RXFP1: variants seen among roughly 807,000 people sequenced by gnomAD.
RXFP1 encodes the protein relaxin family peptide receptor 1.
RXFP1 carries 73 observed loss-of-function variants against 89.8 expected under a neutral mutation model. The ratio of observed to expected loss-of-function variants is 0.81; its 90% CI spans 0.67 to 0.99. The LOEUF (loss-of-function observed/expected upper bound fraction) is 0.99. RXFP1 is among the 50% of genes least tolerant of loss of function. The pLI is 0.00. For synonymous variants in RXFP1, 277 were observed against 305.5 expected, an observed-to-expected ratio of 0.91 and a Z score of 0.97; for missense variants, 793 against 895.5, an observed-to-expected ratio of 0.89 and a Z score of 1.46.
intron 1 of RXFP1, among the ~76,000 whole-genome samples, chr4:158,561,738 G>A (rs183698537): frequency 1.6e-3 from 223 of 141,908 alleles, no homozygotes; most frequent in Non-Finnish European, 2.7e-3. Flanking sequence ...AGTGATTCTT[G>A]TGCATCAGTC....
intron 11 of RXFP1, among the ~76,000 whole-genome samples, chr4:158,633,094 C>T (rs1315896381): frequency 1.3e-5 from 2 of 151,910 alleles, no homozygotes; most frequent in African/African-American, 4.8e-5. Flanking sequence ...CACTTGAACC[C>T]GGGAGACAGA....
chr4:158,593,572 T>C, intron 3 of RXFP1, 73 bp downstream of exon 3: 1 of 775,828 alleles, frequency 1.3e-6, no homozygotes. Context: ...TGATTCAACA[T>C]TTTAAAAAAA....
At chr4:158,635,541 G>T (rs1249741793) in intron 12 of RXFP1, among the ~76,000 whole-genome samples, 1 of 151,874 alleles carries the variant, frequency 6.6e-6, no homozygotes, top group East Asian at 1.9e-4. Context: ...GTTCTAATTA[G>T]GACTTCCAAC....
chr4:158,644,673 C>T (rs1771177155), intron 14 of RXFP1, among the ~76,000 whole-genome samples: 2 of 152,182 alleles, frequency 1.3e-5, no homozygotes, highest in South Asian at 4.1e-4. Flanking sequence ...ATGTCTAACA[C>T]TTGTTATGTT....
chr4:158,586,324 A>G (rs544712461), intron 2 of RXFP1, among the ~76,000 whole-genome samples: 2 of 152,336 alleles, frequency 1.3e-5, no homozygotes, highest in East Asian at 3.9e-4. Flanking sequence ...TTTAGACTTT[A>G]TTTATAGCAT....
chr4:158,607,939 A>ATT (rs11393653), intron 5 of RXFP1, 33 bp from the exon 6 acceptor site: 674 of 1,404,568 alleles, frequency 4.8e-4, no homozygotes, highest in African/African-American at 3.2e-3. Context: ...ACTCTGCTTC[A>ATT]TTTTTTTTTC....
Position 158,633,457 on chromosome 4 carries a change from C to T in RXFP1, c.952C>T (p.Leu318=). The T allele has an allele frequency of 1.3e-6, 2 of 1,599,576 alleles. No individual in the cohort carries two copies. The highest frequency in any genetic ancestry group is 1.7e-6 in the Non-Finnish European group (2 of 1,170,016). ...TCTTCCACCGCTTATATTCAAGGACCTGAAGGAGCTGTCACAATTGTAAGA... is the reference window on the plus strand; with the variant it reads ...TCTTCCACCGCTTATATTCAAGGACTTGAAGGAGCTGTCACAATTGTAAGA... ...ENLPPLIFKD[L]KELSQLNLSY... is the part of the protein sequence containing the mutation. The change falls in exon 12 of 18, where the codon CTG becomes TTG. Residue 318 remains leucine, a synonymous_variant. Coordinates refer to ENST00000307765, the MANE Select transcript of RXFP1 (RefSeq NM_021634.4).
chr4:158,530,613 C>T (rs900854870), intron 1 of RXFP1, among the ~76,000 whole-genome samples: 2 of 152,208 alleles, frequency 1.3e-5, no homozygotes, highest in Non-Finnish European at 2.9e-5. Flanking sequence ...GTGACATCAT[C>T]AGTCATGCTT....
chr4:158,607,148 G>A lies in RXFP1; in HGVS notation c.465-824G>A, dbSNP rs770181555. On this transcript the variant is annotated intron_variant, in intron 5 of 17. Coordinates refer to ENST00000307765, the MANE Select transcript of RXFP1 (RefSeq NM_021634.4). ...CAATCTGGGGCAAGTACACATAGAA[G>A]TGCAAAACTTTGTGTGGGTGCAATG... The A allele has an allele frequency of 4.6e-6, 7 of 1,524,900 alleles. No individual in the cohort carries two copies. In the South Asian group the frequency reaches 8.3e-5, roughly 18 times the overall value. 94.5% of individuals were successfully genotyped at this position (1,524,900 alleles called of 1,614,324 possible).
chr4:158,632,747 C>A lies in RXFP1; in HGVS notation c.900-658C>A, dbSNP rs1368616310. Reference sequence around the variant, plus strand: ...TGAAATAATACACTTCCATAATAATCACAACAATCCTAAGCGGAAGAAAAA... The same window carrying A: ...TGAAATAATACACTTCCATAATAATAACAACAATCCTAAGCGGAAGAAAAA... On this transcript the variant is annotated intron_variant, in intron 11 of 17. Coordinates refer to ENST00000307765, the MANE Select transcript of RXFP1 (RefSeq NM_021634.4). 2.0e-5 allele frequency among the ~76,000 whole-genome samples: 3 copies of A among 152,214 alleles called. No individual in the cohort carries two copies. The East Asian group carries it at 5.8e-4, about 29-fold the overall frequency.
At chr4:158,526,783 T>C (rs930203731) in intron 1 of RXFP1, among the ~76,000 whole-genome samples, 2 of 128,526 alleles carry the variant, frequency 1.6e-5, no homozygotes, top group Non-Finnish European at 3.5e-5. Flanking sequence ...TGGAAATCAA[T>C]GTTTTCAAAA....
intron 8 of RXFP1, among the ~76,000 whole-genome samples, chr4:158,616,929 G>A (rs557475668): frequency 6.6e-5 from 10 of 151,246 alleles, no homozygotes; most frequent in Non-Finnish European, 1.0e-4. Context: ...AACCTGGGAG[G>A]CAGAGGTTTC....
At chr4:158,568,303 A>C (rs1316731140) in intron 1 of RXFP1, among the ~76,000 whole-genome samples, 1 of 152,256 alleles carries the variant, frequency 6.6e-6, no homozygotes, top group African/African-American at 2.4e-5. Flanking sequence ...ATCATTGAGG[A>C]GCTATATCTG....
intron 9 of RXFP1, among the ~76,000 whole-genome samples, chr4:158,620,563 C>G (rs1282259768): frequency 6.6e-6 from 1 of 151,910 alleles, no homozygotes; most frequent in African/African-American, 2.4e-5. Flanking sequence ...TCAGAGAAAA[C>G]AGAAACATTA....
chr4:158,528,314 G>A (rs1045664743), intron 1 of RXFP1, among the ~76,000 whole-genome samples: 3 of 150,664 alleles, frequency 2.0e-5, no homozygotes, highest in Non-Finnish European at 4.4e-5. Flanking sequence ...AGCCTGGGGG[G>A]GCAACATGGC....
intron 2 of RXFP1, among the ~76,000 whole-genome samples, chr4:158,589,183 G>A (rs1285045706): frequency 2.0e-5 from 3 of 152,094 alleles, no homozygotes; most frequent in Non-Finnish European, 4.4e-5. Context: ...ACTAGCAGGA[G>A]AACAGCATGG....
rs750839084 is a variant in RXFP1 at position 158,646,384 on chromosome 4, T to C, written c.1346-407T>C. ...ATTTTATATGACACCTTGAGCTTGTTGCGTTGGGAGAATTTCAGTGGAAGA... is the reference window on the plus strand; with the variant it reads ...ATTTTATATGACACCTTGAGCTTGTCGCGTTGGGAGAATTTCAGTGGAAGA... On this transcript the variant is annotated intron_variant, in intron 15 of 17. Transcript: ENST00000307765. 6.7e-6 allele frequency: 5 copies of C among 743,122 alleles called. No individual in the cohort carries two copies. The South Asian group carries it at 7.3e-5, about 11-fold the overall frequency. 46.0% of individuals were successfully genotyped at this position (743,122 alleles called of 1,614,324 possible). A position where few individuals can be genotyped will look rare whatever the true frequency, so the allele number is the denominator to read the frequency against.
At chr4:158,627,400 T>C (rs540198586) in intron 10 of RXFP1, among the ~76,000 whole-genome samples, 2 of 152,202 alleles carry the variant, frequency 1.3e-5, no homozygotes, top group Admixed American at 1.3e-4. Context: ...TATAGCACAA[T>C]TTATTATACC....
intron 14 of RXFP1, among the ~76,000 whole-genome samples, chr4:158,641,189 T>C (rs1480760720): frequency 6.6e-6 from 1 of 152,180 alleles, no homozygotes; most frequent in Non-Finnish European, 1.5e-5. Context: ...CTGACTAAAT[T>C]AAACAGAACA....
Sources: allele counts gnomAD v4.1 joint callset (sites outside exome capture counted in the v4.1 genomes callset), GRCh38; gene constraint gnomAD v4.1.1; transcripts MANE v1.5; gene names NCBI Gene and HGNC (gene_info 2026-07-23, HGNC 2026-07-21).